Variants in SVOPL observed in about 807,000 individuals in gnomAD.
The protein encoded by SVOPL is putative transporter SVOPL.
In SVOPL, 60 loss-of-function variants were observed where a neutral mutation model predicts 61.0. That is an observed-to-expected ratio of 0.98 (90% CI 0.80 to 1.22). The LOEUF is 1.22. SVOPL is among the 50% of genes most tolerant of loss of function. SVOPL has a pLI of 0.00. For missense variants in SVOPL, 662 were observed against 643.9 expected, an observed-to-expected ratio of 1.03 and a Z score of -0.30; for synonymous variants, 279 against 250.0, an observed-to-expected ratio of 1.12 and a Z score of -1.09.
intron 14 of SVOPL, among the ~76,000 whole-genome samples, chr7:138,614,955 G>A (rs1263135922): frequency 3.9e-5 from 6 of 152,142 alleles, no homozygotes; most frequent in African/African-American, 1.2e-4. Flanking sequence ...GCCACAGGGA[G>A]AGGTCTTGGT....
chr7:138,696,680 T>C (rs1194085781), intron 1 of SVOPL, among the ~76,000 whole-genome samples: 5 of 152,078 alleles, frequency 3.3e-5, no homozygotes, highest in Admixed American at 2.0e-4. Context: ...TGCCTCAGCC[T>C]CCCAAAGTGC....
chr7:138,664,370 CG>C (rs1180455150), intron 4 of SVOPL: 1 of 387,080 alleles, frequency 2.6e-6, no homozygotes. Flanking sequence ...AACCCTCCAA[CG>C]CCCCTAATCC....
At chr7:138,621,250 T>C (rs1258950208) in intron 13 of SVOPL, 115 bp from the exon 14 acceptor site, 1 of 704,378 alleles carries the variant, frequency 1.4e-6, no homozygotes, top group East Asian at 3.2e-5. Context: ...CCAAACACAG[T>C]TACAGAATAT....
rs71179722 is a variant in SVOPL, at chr7:138,687,228, CTTTTT to C, written c.-34-8154_-34-8150del. On this transcript the variant is annotated intron_variant, in intron 1 of 15. Coordinates refer to ENST00000674285, the MANE Select transcript of SVOPL (RefSeq NM_001139456.2). The stretch of plus-strand genomic sequence containing the variant: ...AAGCTCTTTTTTTTCCTTTTTTCCT[CTTTTT>C]TTTTTTTTTTTTTTTTTTTGAGACG... 5.2e-5 allele frequency among the ~76,000 whole-genome samples: 4 copies of C among 77,042 alleles called. No individual in the cohort carries two copies. The South Asian group carries it at 1.6e-3, about 30-fold the overall frequency. 50.5% of individuals were successfully genotyped at this position (77,042 alleles called of 152,430 possible). A position where few individuals can be genotyped will look rare whatever the true frequency, so the allele number is the denominator to read the frequency against.
intron 11 of SVOPL, among the ~76,000 whole-genome samples, 154 bp from the exon 12 acceptor site, chr7:138,627,615 A>G (rs1362323115): frequency 6.6e-6 from 1 of 152,198 alleles, no homozygotes; most frequent in Non-Finnish European, 1.5e-5. Flanking sequence ...CGTTGTCATC[A>G]ATTTCAAGAC....
intron 9 of SVOPL, among the ~76,000 whole-genome samples, chr7:138,636,714 ACCCAC>A (rs1041790414): frequency 1.3e-5 from 2 of 151,904 alleles, no homozygotes; most frequent in Non-Finnish European, 2.9e-5. Flanking sequence ...CAGGTGACCC[ACCCAC>A]CTCGGCCTCC....
At chr7:138,677,742 T>G (rs528448834) in intron 3 of SVOPL, among the ~76,000 whole-genome samples, 1 of 118,494 alleles carries the variant, frequency 8.4e-6, no homozygotes, top group East Asian at 2.7e-4. Flanking sequence ...GTCTACACAA[T>G]CTTTTTTTTT....
chr7:138,653,293 A>G (rs1485161713), intron 7 of SVOPL, among the ~76,000 whole-genome samples: 1 of 152,222 alleles, frequency 6.6e-6, no homozygotes, highest in African/African-American at 2.4e-5. Flanking sequence ...GGTGGCTACT[A>G]CACTCAACAG....
chr7:138,641,819 T>TATATATAA (rs1305071094), intron 9 of SVOPL, among the ~76,000 whole-genome samples: 1 of 138,004 alleles, frequency 7.2e-6, no homozygotes, highest in Non-Finnish European at 1.5e-5. Context: ...ATATGTTATA[T>TATATATAA]ATATATATAT....
intron 5 of SVOPL, chr7:138,661,025 T>C (rs1370378339): frequency 1.0e-6 from 1 of 983,772 alleles, no homozygotes. Flanking sequence ...GTATTTCTTT[T>C]ATAAAATGCC....
At chr7:138,685,853 C>T (rs1802797238) in intron 1 of SVOPL, among the ~76,000 whole-genome samples, 1 of 149,408 alleles carries the variant, frequency 6.7e-6, no homozygotes, top group South Asian at 2.1e-4. Context: ...GCCTGGGCAA[C>T]AGAGCAAGAC....
At position 138,649,104 on chromosome 7, in the gene SVOPL, C is replaced by G; in HGVS notation, c.568G>C (p.Gly190Arg). The G allele has an allele frequency of 6.2e-7, 1 of 1,612,726 alleles. No homozygotes were observed. Among genetic ancestry groups the G allele is most frequent in the Non-Finnish European group, 8.5e-7 (1 of 1,179,756 alleles). Residue 190 changes from glycine (G) to arginine (R), a missense_variant, in exon 8 of 16, where the codon GGC (glycine) becomes CGC (arginine). Gly to Arg is a moderately radical substitution (Grantham distance 125). Coordinates refer to ENST00000674285, the MANE Select transcript of SVOPL (RefSeq NM_001139456.2). The part of the protein sequence containing the change: ...FWLAGSLLII[G>R]LASVIIPTIG... ...GTGGGGATGATCACAGAGGCCAAGC[C>G]AATGATGAGCAGGGAGCCCGCAAGC...
chr7:138,610,853 G>A (rs983430337), intron 14 of SVOPL, among the ~76,000 whole-genome samples: 1 of 152,212 alleles, frequency 6.6e-6, no homozygotes, highest in Non-Finnish European at 1.5e-5. Context: ...TCCCAGCCTT[G>A]ACAGAGCCTA....
intron 5 of SVOPL, 199 bp downstream of exon 5, chr7:138,662,874 AG>A: frequency 7.0e-7 from 1 of 1,427,276 alleles, no homozygotes; most frequent in Non-Finnish European, 9.1e-7. Flanking sequence ...TGGACTGCAG[AG>A]GAACAGCTGC....
intron 14 of SVOPL, chr7:138,597,002 T>G: frequency 8.7e-7 from 1 of 1,144,652 alleles, no homozygotes; most frequent in Non-Finnish European, 1.1e-6. Flanking sequence ...CTGAAAGGAT[T>G]GCTAATGTGT....
intron 13 of SVOPL, among the ~76,000 whole-genome samples, chr7:138,621,810 CTATGTATCTATG>C (rs1308308752): frequency 1.6e-3 from 106 of 65,726 alleles, no homozygotes; most frequent in African/African-American, 4.6e-3. Flanking sequence ...ATGTATCTAT[CTATGTATCTATG>C]TATCTATGTA....
At chr7:138,650,684 G>A (rs1173557069) in intron 7 of SVOPL, among the ~76,000 whole-genome samples, 1 of 134,750 alleles carries the variant, frequency 7.4e-6, no homozygotes, top group Admixed American at 8.0e-5. Context: ...ACCATGACAT[G>A]CACCTGTAGT....
intron 9 of SVOPL, among the ~76,000 whole-genome samples, chr7:138,635,397 T>A (rs963019552): frequency 1.0e-4 from 15 of 145,030 alleles, no homozygotes; most frequent in Non-Finnish European, 1.7e-4. Flanking sequence ...TTATTTTACT[T>A]TTTTTTTTTT....
At chr7:138,606,955 A>G (rs1396622186) in intron 14 of SVOPL, among the ~76,000 whole-genome samples, 1 of 142,370 alleles carries the variant, frequency 7.0e-6, no homozygotes, top group Admixed American at 7.5e-5. Flanking sequence ...CTCTGTCTCA[A>G]GAAAACAAAA....
Sources: gnomAD v4.1 joint callset for allele counts (sites outside exome capture counted in the v4.1 genomes callset) on GRCh38, gnomAD v4.1.1 for gene constraint, MANE v1.5 for transcripts, NCBI Gene and HGNC (gene_info 2026-07-23, HGNC 2026-07-21) for gene names.